GALNT14: variants seen among roughly 807,000 people sequenced by gnomAD.
GALNT14 encodes UDP-GalNAc:polypeptide N-acetylgalactosaminyltransferase 14.
A neutral mutation model predicts 77.5 loss-of-function variants in GALNT14; 60 were observed. The observed-to-expected ratio is 0.77, with a 90% CI of 0.63 to 0.96. GALNT14 has a LOEUF of 0.96. Ranked by LOEUF, GALNT14 falls within the 40% of genes least tolerant of loss-of-function variation. The pLI, the probability that GALNT14 is intolerant of heterozygous loss-of-function variation, is 0.00. For synonymous variants in GALNT14, 280 were observed against 281.7 expected, an observed-to-expected ratio of 0.99 and a Z score of 0.06; for missense variants, 710 against 731.0, an observed-to-expected ratio of 0.97 and a Z score of 0.33.
intron 1 of GALNT14, among the ~76,000 whole-genome samples, chr2:31,099,162 T>C (rs1169700690): frequency 6.6e-6 from 1 of 152,180 alleles, no homozygotes; most frequent in Non-Finnish European, 1.5e-5. Context: ...ATCTGATAGA[T>C]AAAATATGCT....
chr2:31,078,964 T>A, intron 1 of GALNT14: 1 of 1,289,274 alleles, frequency 7.8e-7, no homozygotes, highest in Non-Finnish European at 1.0e-6. Context: ...CCATGGCTGT[T>A]CCATGCCTGG....
At chr2:31,131,107 G>T (rs1042390552) in intron 1 of GALNT14, among the ~76,000 whole-genome samples, 1 of 152,200 alleles carries the variant, frequency 6.6e-6, no homozygotes, top group Non-Finnish European at 1.5e-5. Flanking sequence ...GAGCCAGGAA[G>T]AGAGGAATCT....
At chr2:31,098,516 C>G (rs528178573) in intron 1 of GALNT14, among the ~76,000 whole-genome samples, 1 of 152,250 alleles carries the variant, frequency 6.6e-6, no homozygotes, top group South Asian at 2.1e-4. Context: ...CCCTTCTACC[C>G]TTGCCCATCC....
chr2:30,980,614 T>C (rs971555758), intron 2 of GALNT14, among the ~76,000 whole-genome samples: 2 of 152,130 alleles, frequency 1.3e-5, no homozygotes, highest in Admixed American at 6.5e-5. Flanking sequence ...GTGACAGAGA[T>C]GTTGTATGTC....
chr2:30,947,287 T>A (rs1219146465), intron 6 of GALNT14, among the ~76,000 whole-genome samples: 2 of 152,202 alleles, frequency 1.3e-5, no homozygotes, highest in Non-Finnish European at 2.9e-5. Context: ...TAAGACAAAG[T>A]ACAAACTCCT....
intron 2 of GALNT14, among the ~76,000 whole-genome samples, chr2:30,973,761 C>T (rs759049125): frequency 6.6e-6 from 1 of 152,182 alleles, no homozygotes; most frequent in African/African-American, 2.4e-5. Flanking sequence ...CAGATTAATT[C>T]GTTCATTCAC....
chr2:31,115,794 C>T lies in GALNT14; in HGVS notation c.129+22164G>A, dbSNP rs58477951. Among the ~76,000 whole-genome samples, 587 of 152,272 alleles carry T rather than the reference C, an allele frequency of 3.9e-3. 1 individual carries two copies. Among genetic ancestry groups the T allele is most frequent in the African/African-American group, 0.013 (534 of 41,540 alleles). On this transcript the variant is annotated intron_variant, in intron 1 of 14. Transcript: ENST00000349752. ...GGCTGCTGCCAGGCACAGTGGCTCA[C>T]GCCTGTGAGGCAGGAGGATCACTCT... is the stretch of plus-strand genomic sequence containing the variant.
intron 1 of GALNT14, among the ~76,000 whole-genome samples, chr2:31,020,671 T>C (rs1671661167): frequency 6.6e-6 from 1 of 152,172 alleles, no homozygotes; most frequent in African/African-American, 2.4e-5. Flanking sequence ...AGGGAAGGTG[T>C]GTTGCTGGTA....
At chr2:30,966,499 A>C (rs1284284291) in intron 2 of GALNT14, among the ~76,000 whole-genome samples, 197 bp from the exon 3 acceptor site, 1 of 152,158 alleles carries the variant, frequency 6.6e-6, no homozygotes, top group Non-Finnish European at 1.5e-5. Flanking sequence ...TCCAAGAATG[A>C]CTAAATCTGA....
downstream of GALNT14, among the ~76,000 whole-genome samples, chr2:30,905,873 C>T (rs1184689265): frequency 6.6e-6 from 1 of 152,036 alleles, no homozygotes; most frequent in Non-Finnish European, 1.5e-5. Flanking sequence ...TCGGCAGAAA[C>T]CCTACAAGCC....
intron 2 of GALNT14, among the ~76,000 whole-genome samples, chr2:30,976,677 C>T (rs1668652517): frequency 6.6e-6 from 1 of 151,908 alleles, no homozygotes; most frequent in African/African-American, 2.4e-5. Flanking sequence ...AATGCAGAGC[C>T]TAGCTGGGAC....
rs183466876 is a variant in GALNT14 at position 31,122,055 on chromosome 2, A to G, written c.129+15903T>C. On this transcript the variant is annotated intron_variant, in intron 1 of 14. Transcript: ENST00000349752. The stretch of plus-strand genomic sequence containing the variant: ...AAAGGGCAATGCCTTTGAGGACTAG[A>G]GAGAGAGGGAATTCCTCCAGCTTGG... Among the ~76,000 whole-genome samples the G allele has an allele frequency of 1.8e-3, 267 of 152,342 alleles. 2 individuals carry two copies. Among genetic ancestry groups the G allele is most frequent in the Admixed American group, 4.2e-3 (65 of 15,306 alleles).
At chr2:31,133,708 C>T (rs1470425782) in intron 1 of GALNT14, among the ~76,000 whole-genome samples, 1 of 152,144 alleles carries the variant, frequency 6.6e-6, no homozygotes, top group Non-Finnish European at 1.5e-5. Context: ...AAATGGCAAA[C>T]AAATGATAGG....
chr2:30,954,127 C>T (rs908846191), intron 6 of GALNT14, among the ~76,000 whole-genome samples: 5 of 152,084 alleles, frequency 3.3e-5, no homozygotes, highest in South Asian at 2.1e-4. Context: ...ACAGAGCAAG[C>T]GGGTTTGTGG....
At chr2:30,966,370 G>T (rs2303324) in intron 2 of GALNT14, 68 bp from the exon 3 acceptor site, 1 of 1,182,192 alleles carries the variant, frequency 8.5e-7, no homozygotes, top group Non-Finnish European at 1.3e-6. Context: ...GGCTAGAACC[G>T]AGGGCATCTG....
chr2:31,107,937 G>A (rs973746462), intron 1 of GALNT14, among the ~76,000 whole-genome samples: 1 of 152,116 alleles, frequency 6.6e-6, no homozygotes, highest in Non-Finnish European at 1.5e-5. Flanking sequence ...TTAGGACTAG[G>A]ATCTTACCCC....
At chr2:31,042,743 C>T (rs75711608) in intron 1 of GALNT14, among the ~76,000 whole-genome samples, 111 of 152,292 alleles carry the variant, frequency 7.3e-4, no homozygotes, top group African/African-American at 2.4e-3. Context: ...TGACTCTTCT[C>T]GCCACCTCCG....
intron 1 of GALNT14, among the ~76,000 whole-genome samples, chr2:31,062,594 G>C (rs1674673821): frequency 6.6e-6 from 1 of 152,150 alleles, no homozygotes; most frequent in African/African-American, 2.4e-5. Flanking sequence ...GGATTGCTGG[G>C]TCAAATGGTA....
chr2:31,105,878 C>T (rs1037251267), intron 1 of GALNT14, among the ~76,000 whole-genome samples: 2 of 152,164 alleles, frequency 1.3e-5, no homozygotes, highest in African/African-American at 4.8e-5. Flanking sequence ...ATCCAGCATG[C>T]TAGGACTTTT....
Sources: allele counts gnomAD v4.1 joint callset (sites outside exome capture counted in the v4.1 genomes callset), GRCh38; gene constraint gnomAD v4.1.1; transcripts MANE v1.5; gene names NCBI Gene and HGNC (gene_info 2026-07-23, HGNC 2026-07-21).